DGKB: variants seen among roughly 807,000 people sequenced by gnomAD.
The protein encoded by DGKB is 90 kDa diacylglycerol kinase.
In DGKB, 67 loss-of-function variants were observed where a neutral mutation model predicts 114.3. That is an observed-to-expected ratio of 0.59 (90% CI 0.48 to 0.72). The LOEUF (loss-of-function observed/expected upper bound fraction) is 0.72, where lower values mean the gene tolerates loss of function less well. Ranked by LOEUF, DGKB falls within the 30% of genes least tolerant of loss-of-function variation. The probability of loss-of-function intolerance (pLI) is 0.00; values close to 1 mark genes in which losing one functional copy is unlikely to be tolerated. For missense variants in DGKB, 907 were observed against 975.2 expected (o/e 0.93, Z 0.93); for synonymous variants, 398 against 323.1 (o/e 1.23, Z -2.49).
intron 1 of DGKB, among the ~76,000 whole-genome samples, chr7:14,960,949 C>T (rs558842073): frequency 6.6e-6 from 1 of 152,152 alleles, no homozygotes; most frequent in African/African-American, 2.4e-5. Flanking sequence ...GGACAAACAT[C>T]AGAGAACATG....
intron 18 of DGKB, 130 bp from the exon 19 acceptor site, chr7:14,581,081 G>A (rs73680454): frequency 2.0e-6 from 1 of 510,868 alleles, no homozygotes; most frequent in East Asian, 3.0e-5. Context: ...CATAATTGTA[G>A]TTTTAGATAT....
chr7:14,520,089 T>C (rs1789502427), intron 20 of DGKB, among the ~76,000 whole-genome samples: 1 of 151,736 alleles, frequency 6.6e-6, no homozygotes, highest in African/African-American at 2.4e-5. Flanking sequence ...TATGGGTCTT[T>C]CAATATAATG....
chr7:14,727,845 C>T (rs1041592815), intron 5 of DGKB, among the ~76,000 whole-genome samples: 1 of 152,134 alleles, frequency 6.6e-6, no homozygotes, highest in Non-Finnish European at 1.5e-5. Flanking sequence ...ATCCTCAAGA[C>T]AGTCCTAATA....
At chr7:14,853,147 G>C (rs561084981) in intron 1 of DGKB, among the ~76,000 whole-genome samples, 24 of 152,176 alleles carry the variant, frequency 1.6e-4, no homozygotes, top group African/African-American at 5.8e-4. Context: ...CACTATTGAA[G>C]CACGCGAGGG....
intron 20 of DGKB, among the ~76,000 whole-genome samples, chr7:14,536,273 G>T (rs1249104827): frequency 2.6e-5 from 4 of 151,958 alleles, no homozygotes; most frequent in Non-Finnish European, 4.4e-5. Context: ...AAATATAGAA[G>T]GGATAAGGAA....
intron 23 of DGKB, among the ~76,000 whole-genome samples, chr7:14,248,681 T>G (rs900171963): frequency 6.6e-6 from 1 of 152,110 alleles, no homozygotes; most frequent in African/African-American, 2.4e-5. Flanking sequence ...CAACTAACTT[T>G]TGTGTGTTCA....
chr7:14,376,348 C>A (rs1022112337), intron 21 of DGKB, among the ~76,000 whole-genome samples: 1 of 152,130 alleles, frequency 6.6e-6, no homozygotes. Context: ...ATATAAGTAA[C>A]CTAAATCCAT....
At chr7:14,547,624 C>G (rs535211814) in intron 20 of DGKB, among the ~76,000 whole-genome samples, 1 of 152,216 alleles carries the variant, frequency 6.6e-6, no homozygotes, top group South Asian at 2.1e-4. Flanking sequence ...GGAATACACT[C>G]TCATTTATCA....
intron 2 of DGKB, among the ~76,000 whole-genome samples, chr7:14,823,462 T>C (rs368349884): frequency 1.3e-5 from 2 of 152,186 alleles, no homozygotes; most frequent in South Asian, 4.1e-4. Flanking sequence ...CACTAAGACA[T>C]AGAGAATTTC....
At chr7:14,233,375 T>C (rs1393137062) in intron 23 of DGKB, among the ~76,000 whole-genome samples, 1 of 152,008 alleles carries the variant, frequency 6.6e-6, no homozygotes, top group Non-Finnish European at 1.5e-5. Flanking sequence ...ATGTTCGTAT[T>C]TGCTACTTTG....
chr7:14,694,251 G>T, intron 8 of DGKB, 57 bp from the exon 9 acceptor site: 7 of 1,453,518 alleles, frequency 4.8e-6, no homozygotes, highest in Non-Finnish European at 5.6e-6. Flanking sequence ...AAATTTCATA[G>T]GCTACAACAT....
chr7:14,231,107 CTT>C (rs1165918448), intron 23 of DGKB, among the ~76,000 whole-genome samples: 1 of 122,452 alleles, frequency 8.2e-6, no homozygotes, highest in Non-Finnish European at 1.7e-5. Context: ...TTCTTTCTTT[CTT>C]TCTTTCTTTC....
At chr7:14,520,669 T>C (rs1448686113) in intron 20 of DGKB, among the ~76,000 whole-genome samples, 2 of 152,096 alleles carry the variant, frequency 1.3e-5, no homozygotes, top group African/African-American at 2.4e-5. Context: ...TAAAATTTTG[T>C]CATGGTCAGA....
intron 19 of DGKB, among the ~76,000 whole-genome samples, chr7:14,575,051 G>T (rs533954961): frequency 6.6e-6 from 1 of 152,270 alleles, no homozygotes; most frequent in South Asian, 2.1e-4. Flanking sequence ...CTTGAGGCCA[G>T]GAGTTCCAGG....
At chr7:14,387,290 G>A (rs1192862400) in intron 21 of DGKB, among the ~76,000 whole-genome samples, 1 of 151,312 alleles carries the variant, frequency 6.6e-6, no homozygotes, top group Non-Finnish European at 1.5e-5. Context: ...GCATGTGCCT[G>A]TAATCCCACC....
At chr7:14,358,158 C>G (rs1434866121) in intron 21 of DGKB, among the ~76,000 whole-genome samples, 1 of 152,094 alleles carries the variant, frequency 6.6e-6, no homozygotes, top group Admixed American at 6.6e-5. Flanking sequence ...GTTTGGGGAA[C>G]TTCTCCTGGA....
chr7:14,626,488 C>A (rs74826755), intron 14 of DGKB, among the ~76,000 whole-genome samples: 3 of 152,144 alleles, frequency 2.0e-5, no homozygotes, highest in Non-Finnish European at 4.4e-5. Flanking sequence ...GAGTTTTTAA[C>A]CCAAGGTATC....
intron 20 of DGKB, among the ~76,000 whole-genome samples, chr7:14,569,859 G>A (rs1798117130): frequency 6.6e-6 from 1 of 151,544 alleles, no homozygotes; most frequent in Non-Finnish European, 1.5e-5. Flanking sequence ...CATTTATTCT[G>A]ATCTTGTGTG....
At chr7:14,328,974 G>A (rs1377989761) in intron 23 of DGKB, among the ~76,000 whole-genome samples, 1 of 151,902 alleles carries the variant, frequency 6.6e-6, no homozygotes. Flanking sequence ...ATTAAGCCAG[G>A]AGAATGATTA....
Sources: gnomAD v4.1 joint callset for allele counts (sites outside exome capture counted in the v4.1 genomes callset) on GRCh38, gnomAD v4.1.1 for gene constraint, MANE v1.5 for transcripts, NCBI Gene and HGNC (gene_info 2026-07-23, HGNC 2026-07-21) for gene names.